Variants in MLLT3 observed in about 807,000 individuals in gnomAD.
MLLT3 encodes the protein MLLT3 super elongation complex subunit.
A neutral mutation model predicts 53.2 loss-of-function variants in MLLT3; 4 were observed. The observed-to-expected ratio is 0.08, with a 90% CI of 0.04 to 0.17. The LOEUF is 0.17. MLLT3 is among the 10% of genes least tolerant of loss of function. The pLI, the probability that MLLT3 is intolerant of heterozygous loss-of-function variation, is 1.00. For missense variants in MLLT3, 569 were observed against 684.0 expected, an observed-to-expected ratio of 0.83 and a Z score of 1.87; for synonymous variants, 283 against 230.6, an observed-to-expected ratio of 1.23 and a Z score of -2.06.
chr9:20,594,981 T>C (rs983586090), intron 2 of MLLT3, among the ~76,000 whole-genome samples: 1 of 152,162 alleles, frequency 6.6e-6, no homozygotes, highest in Non-Finnish European at 1.5e-5. Context: ...CAGCTCATAC[T>C]GCTGCTCTGC....
Position 20,620,438 on chromosome 9 carries a change from G to A in MLLT3, c.193+216C>T, listed in dbSNP as rs1414603503. 4.0e-5 allele frequency among the ~76,000 whole-genome samples: 6 copies of A among 151,562 alleles called. No individual in the cohort carries two copies. In the South Asian group the frequency reaches 1.0e-3, roughly 26 times the overall value. ...ATGAATAAACACTCGACACCTGACG[G>A]TCCTTTCTCTGCGGTGACTTTCACC... On this transcript the variant is annotated intron_variant, in intron 2 of 10. Transcript: ENST00000380338. The surrounding 1 kb of genome is among the most constrained non-coding windows in gnomAD (Gnocchi z 6.1).
At chr9:20,349,460 G>A (rs1172256210) in intron 10 of MLLT3, among the ~76,000 whole-genome samples, 1 of 151,628 alleles carries the variant, frequency 6.6e-6, no homozygotes, top group Non-Finnish European at 1.5e-5. Flanking sequence ...ATGAGTGTTA[G>A]CCATTTCATT....
At chr9:20,548,777 AATTTGAAT>A (rs992641633) in intron 2 of MLLT3, among the ~76,000 whole-genome samples, 7 of 152,222 alleles carry the variant, frequency 4.6e-5, no homozygotes, top group African/African-American at 1.4e-4. Context: ...ATTTGTTGGG[AATTTGAAT>A]ATTCTCAAAC....
chr9:20,467,361 C>T (rs956372218), intron 2 of MLLT3, among the ~76,000 whole-genome samples: 4 of 151,994 alleles, frequency 2.6e-5, no homozygotes, highest in African/African-American at 7.3e-5. Context: ...AGGTGGATCA[C>T]GAGGTCAAGA....
chr9:20,577,739 A>C (rs1819690048), intron 2 of MLLT3, among the ~76,000 whole-genome samples: 1 of 152,164 alleles, frequency 6.6e-6, no homozygotes, highest in Non-Finnish European at 1.5e-5. Flanking sequence ...AATAAATCCT[A>C]GTGTTTAGTT....
chr9:20,445,569 C>G (rs920287866), intron 4 of MLLT3, among the ~76,000 whole-genome samples: 5 of 152,038 alleles, frequency 3.3e-5, no homozygotes, highest in African/African-American at 1.2e-4. Flanking sequence ...ACATTTTTTC[C>G]AAGATGCTCC....
intron 2 of MLLT3, among the ~76,000 whole-genome samples, chr9:20,525,362 G>C (rs1481090640): frequency 6.6e-6 from 1 of 152,076 alleles, no homozygotes; most frequent in East Asian, 1.9e-4. Context: ...CGAGTGTGGT[G>C]GCGTGCACAT....
At chr9:20,531,930 C>A (rs1357532773) in intron 2 of MLLT3, among the ~76,000 whole-genome samples, 1 of 151,248 alleles carries the variant, frequency 6.6e-6, no homozygotes, top group Non-Finnish European at 1.5e-5. Flanking sequence ...ACAGGAAAAG[C>A]TAAAAATTTT....
chr9:20,536,771 A>G (rs1372462648), intron 2 of MLLT3, among the ~76,000 whole-genome samples: 1 of 152,150 alleles, frequency 6.6e-6, no homozygotes, highest in Non-Finnish European at 1.5e-5. Context: ...ATACAAAATT[A>G]CTACAAACTA....
At chr9:20,519,575 G>T (rs1314565001) in intron 2 of MLLT3, among the ~76,000 whole-genome samples, 1 of 151,880 alleles carries the variant, frequency 6.6e-6, no homozygotes, top group Non-Finnish European at 1.5e-5. Context: ...ACATACATGT[G>T]GCCAACAATC....
chr9:20,454,295 G>A (rs760274645), intron 3 of MLLT3, among the ~76,000 whole-genome samples: 1 of 152,102 alleles, frequency 6.6e-6, no homozygotes, highest in Non-Finnish European at 1.5e-5. Context: ...ATGGTAGGGA[G>A]TGATACTTGC....
Position 20,621,779 on chromosome 9 carries a change from AGCGGCCGCGGCGCTTTGCGGAGGT to A in MLLT3, c.12+442_12+465del. The A allele has an allele frequency of 6.8e-7, 1 of 1,480,064 alleles. No homozygotes were observed. The highest frequency in any genetic ancestry group is 8.9e-7 in the Non-Finnish European group (1 of 1,124,260). 91.7% of individuals were successfully genotyped at this position (1,480,064 alleles called of 1,614,324 possible). ...CGCGCCGCGGAGAACGCACCATCGT[AGCGGCCGCGGCGCTTTGCGGAGGT>A]GCGGCCGCCGAGGCTGCTCGCCGCG... is the stretch of plus-strand genomic sequence containing the variant. On this transcript the variant is annotated intron_variant, in intron 1 of 10. Coordinates refer to ENST00000380338, the MANE Select transcript of MLLT3 (RefSeq NM_004529.4). This position sits in a 1 kb window ranked among gnomAD's most constrained non-coding sequence, Gnocchi z 7.0.
chr9:20,549,411 C>A (rs1352386290), intron 2 of MLLT3, among the ~76,000 whole-genome samples: 1 of 152,106 alleles, frequency 6.6e-6, no homozygotes, highest in Non-Finnish European at 1.5e-5. Context: ...TCAAATAGTT[C>A]CTACTAATAA....
At chr9:20,563,690 T>G (rs960781846) in intron 2 of MLLT3, among the ~76,000 whole-genome samples, 22 of 152,152 alleles carry the variant, frequency 1.4e-4, no homozygotes, top group Non-Finnish European at 2.8e-4. Flanking sequence ...TATCCTTCAG[T>G]GAAGGCCTTG....
chr9:20,373,396 T>A (rs1821668843), intron 5 of MLLT3, among the ~76,000 whole-genome samples: 1 of 152,196 alleles, frequency 6.6e-6, no homozygotes, highest in African/African-American at 2.4e-5. Context: ...CCAAGACAAG[T>A]AAGAAAAACC....
chr9:20,545,495 C>A (rs368741024), intron 2 of MLLT3, among the ~76,000 whole-genome samples: 1 of 152,126 alleles, frequency 6.6e-6, no homozygotes, highest in Non-Finnish European at 1.5e-5. Flanking sequence ...TTCATAGCAA[C>A]ATGCATGTGG....
At chr9:20,568,833 G>A (rs556839405) in intron 2 of MLLT3, among the ~76,000 whole-genome samples, 1 of 152,260 alleles carries the variant, frequency 6.6e-6, no homozygotes, top group Admixed American at 6.5e-5. Context: ...ACAGTCCTGA[G>A]AGGAAGTTAT....
chr9:20,428,073 G>GTAAACACT (rs1823180201), intron 4 of MLLT3, among the ~76,000 whole-genome samples: 1 of 151,916 alleles, frequency 6.6e-6, no homozygotes, highest in Non-Finnish European at 1.5e-5. Context: ...ACACAAATAA[G>GTAAACACT]TAAACACTAA....
intron 2 of MLLT3, among the ~76,000 whole-genome samples, chr9:20,566,034 T>A (rs953070390): frequency 4.2e-5 from 5 of 119,088 alleles, no homozygotes; most frequent in African/African-American, 1.2e-4. Context: ...TTATTTATAT[T>A]TATTTATTTA....
Sources: allele counts gnomAD v4.1 joint callset (sites outside exome capture counted in the v4.1 genomes callset), GRCh38; gene constraint gnomAD v4.1.1; non-coding constraint Gnocchi (gnomAD v3.1); transcripts MANE v1.5; gene names NCBI Gene and HGNC (gene_info 2026-07-23, HGNC 2026-07-21).